Variants in SLC17A5 observed in about 807,000 individuals in gnomAD.
SLC17A5 encodes solute carrier family 17 member 5.
SLC17A5 carries 47 observed loss-of-function variants against 59.4 expected under a neutral mutation model. The observed-to-expected ratio is 0.79, with a 90% confidence interval of 0.63 to 1.01. The LOEUF is 1.01. Among genes scored for constraint, SLC17A5 ranks in the 50% least tolerant of loss-of-function variants. The pLI, the probability that SLC17A5 is intolerant of heterozygous loss-of-function variation, is 0.00. For missense variants in SLC17A5, 522 were observed against 595.5 expected (o/e 0.88, Z 1.28); for synonymous variants, 202 against 210.7 (o/e 0.96, Z 0.36).
chr6:73,598,766 G>A (rs1461214313), intron 10 of SLC17A5, among the ~76,000 whole-genome samples: 1 of 151,958 alleles, frequency 6.6e-6, no homozygotes, highest in African/African-American at 2.4e-5. Context: ...GCCGAGATGG[G>A]CGGATCACCT....
At chr6:73,609,120 G>C (rs915389069) in intron 9 of SLC17A5, among the ~76,000 whole-genome samples, 2 of 152,176 alleles carry the variant, frequency 1.3e-5, no homozygotes, top group Non-Finnish European at 2.9e-5. Context: ...AAGAGGGTAA[G>C]AGTCCATCTG....
chr6:73,625,124 A>ATGGAC (rs965448795), intron 6 of SLC17A5, among the ~76,000 whole-genome samples: 1 of 152,096 alleles, frequency 6.6e-6, no homozygotes, highest in Non-Finnish European at 1.5e-5. Context: ...CCTTTTTCAT[A>ATGGAC]TGGACTTTTT....
At chr6:73,606,230 A>T (rs1453760653) in intron 9 of SLC17A5, among the ~76,000 whole-genome samples, 1 of 151,714 alleles carries the variant, frequency 6.6e-6, no homozygotes, top group East Asian at 2.0e-4. Flanking sequence ...TTTAGTAGAG[A>T]TGGGGTTTCA....
At position 73,653,981 on chromosome 6, in the gene SLC17A5, C is replaced by G; in HGVS notation, c.-95G>C. 9.8e-7 allele frequency: 1 copy of G among 1,018,530 alleles called. No individual in the cohort carries two copies. Among genetic ancestry groups the G allele is most frequent in the Non-Finnish European group, 1.4e-6 (1 of 714,878 alleles). The allele number at this position is 1,018,530 out of a possible 1,614,324, so 63.1% of individuals were successfully genotyped here. ...CCCGGGCCGAGCTGGCTGGACCGGGCGGGGCGGGGGCGATGACACCGCCCC... is the reference window on the plus strand; with the variant it reads ...CCCGGGCCGAGCTGGCTGGACCGGGGGGGGCGGGGGCGATGACACCGCCCC... On this transcript the variant is annotated 5_prime_UTR_variant, in exon 1 of 11. Transcript: ENST00000355773.
rs609790 is a variant in SLC17A5, at chr6:73,621,591, C to T, written c.978+213G>A. 0.16 allele frequency among the ~76,000 whole-genome samples: 24,642 copies of T among 152,088 alleles called. 3,059 individuals are homozygous for T. Among genetic ancestry groups the T allele is most frequent in the African/African-American group, 0.34 (14,147 of 41,464 alleles). On this transcript the variant is annotated intron_variant, in intron 7 of 10. Transcript: ENST00000355773. ...TCTTAATATGTCTGGATACTAGACC[C>T]TTATTAGATGTTTGATTTATAAATG...
intron 3 of SLC17A5, 145 bp from the exon 4 acceptor site, chr6:73,638,644 T>C: frequency 1.4e-6 from 1 of 711,388 alleles, no homozygotes; most frequent in South Asian, 1.6e-5. Context: ...ATTTTTACAG[T>C]GTTAAGTGAA....
At position 73,635,321 on chromosome 6, in the gene SLC17A5, A is replaced by G. The variant is rs1433241173; in HGVS notation, c.819+61T>C. ...GGAATATATATTTTTAAAAACTGATATCTTAATTCTGAAGAAAAAAAGTTT... is the reference window on the plus strand; with the variant it reads ...GGAATATATATTTTTAAAAACTGATGTCTTAATTCTGAAGAAAAAAAGTTT... On this transcript the variant is annotated intron_variant, in intron 6 of 10. Coordinates refer to ENST00000355773, the MANE Select transcript of SLC17A5 (RefSeq NM_012434.5). The G allele has an allele frequency of 5.1e-5, 46 of 908,022 alleles. No homozygotes were observed. The East Asian group carries it at 7.3e-4, about 14-fold the overall frequency. 56.2% of individuals were successfully genotyped at this position (908,022 alleles called of 1,614,324 possible).
chr6:73,627,885 G>C (rs1030318227), intron 6 of SLC17A5, among the ~76,000 whole-genome samples: 3 of 150,402 alleles, frequency 2.0e-5, no homozygotes, highest in Non-Finnish European at 3.0e-5. Flanking sequence ...TGCCTCAAAA[G>C]TGCTGGGATT....
intron 7 of SLC17A5, among the ~76,000 whole-genome samples, chr6:73,619,922 GTTT>G (rs1174723514): frequency 1.7e-5 from 2 of 119,132 alleles, no homozygotes; most frequent in Non-Finnish European, 1.8e-5. Flanking sequence ...TTGAGAATTT[GTTT>G]TTTTTTTTTT....
chr6:73,652,683 A>G lies in SLC17A5; in HGVS notation c.94+1110T>C, dbSNP rs946618012. On this transcript the variant is annotated intron_variant, in intron 1 of 10. Transcript: ENST00000355773. ...GTTTATGGAACTAAGTCCGACTTCC[A>G]GGTAAAACGTAACTATGGTATGGTA... Among the ~76,000 whole-genome samples, 5 of 152,354 alleles carry G rather than the reference A, an allele frequency of 3.3e-5. No individual in the cohort carries two copies. In the East Asian group the frequency reaches 9.6e-4, roughly 29 times the overall value.
chr6:73,647,720 C>T (rs748574806), intron 1 of SLC17A5, among the ~76,000 whole-genome samples: 7 of 152,122 alleles, frequency 4.6e-5, no homozygotes, highest in Admixed American at 6.6e-5. Flanking sequence ...GAAATCTGAC[C>T]TACAAGTTAT....
At chr6:73,614,375 C>A (rs1767761189) in intron 8 of SLC17A5, among the ~76,000 whole-genome samples, 1 of 152,154 alleles carries the variant, frequency 6.6e-6, no homozygotes, top group Non-Finnish European at 1.5e-5. Context: ...GAATTCAAGA[C>A]CAGACGGGGC....
intron 7 of SLC17A5, chr6:73,618,497 C>CAG (rs1767980706): frequency 4.0e-6 from 2 of 500,064 alleles, no homozygotes; most frequent in Non-Finnish European, 7.5e-6. Context: ...CATGCACAAA[C>CAG]AGTAGTTTTG....
intron 2 of SLC17A5, among the ~76,000 whole-genome samples, chr6:73,642,383 G>A (rs892539088): frequency 6.6e-6 from 1 of 152,184 alleles, no homozygotes; most frequent in Non-Finnish European, 1.5e-5. Flanking sequence ...TGGGAACCAG[G>A]CTTGGTTTTA....
At chr6:73,605,403 A>T (rs1767346266) in intron 9 of SLC17A5, among the ~76,000 whole-genome samples, 1 of 152,102 alleles carries the variant, frequency 6.6e-6, no homozygotes, top group Admixed American at 6.6e-5. Flanking sequence ...CTAGTAGCGT[A>T]TTACACTGAA....
chr6:73,650,507 C>CAAAA (rs999445559), intron 1 of SLC17A5, among the ~76,000 whole-genome samples: 3 of 35,554 alleles, frequency 8.4e-5, no homozygotes, highest in Admixed American at 3.4e-4. Flanking sequence ...GACTCCGTCT[C>CAAAA]AAAAAAAAAA....
chr6:73,636,600 T>C (rs1561997868), intron 5 of SLC17A5, 21 bp downstream of exon 5: 2 of 1,278,822 alleles, frequency 1.6e-6, no homozygotes, highest in Admixed American at 1.7e-5. Context: ...CATTATAATT[T>C]AGTTAAAATT....
intron 6 of SLC17A5, among the ~76,000 whole-genome samples, chr6:73,634,542 G>C (rs1768911467): frequency 6.6e-6 from 1 of 152,164 alleles, no homozygotes; most frequent in African/African-American, 2.4e-5. Context: ...TGGGACTACA[G>C]GTGTGTGCCA....
chr6:73,601,162 C>T (rs577475506), intron 9 of SLC17A5, among the ~76,000 whole-genome samples: 73 of 147,290 alleles, frequency 5.0e-4, no homozygotes, highest in African/African-American at 1.7e-3. Context: ...GGCCGCCCAT[C>T]GTCTGAGATG....
Sources: gnomAD v4.1 joint callset for allele counts (sites outside exome capture counted in the v4.1 genomes callset) on GRCh38, gnomAD v4.1.1 for gene constraint, MANE v1.5 for transcripts, NCBI Gene and HGNC (gene_info 2026-07-23, HGNC 2026-07-21) for gene names.